The following ATCAY variants were observed in gnomAD, a reference collection of about 807,000 sequenced individuals.
ATCAY encodes the protein ATCAY kinesin light chain interacting caytaxin.
In ATCAY, 22 loss-of-function variants were observed where a neutral mutation model predicts 47.7. That is an observed-to-expected ratio of 0.46 (90% CI 0.33 to 0.66). The LOEUF is 0.66. Ranked by LOEUF, ATCAY falls within the 30% of genes least tolerant of loss-of-function variation. The pLI is 0.02. For synonymous variants in ATCAY, 216 were observed against 207.6 expected, an observed-to-expected ratio of 1.04 and a Z score of -0.35; for missense variants, 452 against 515.0, an observed-to-expected ratio of 0.88 and a Z score of 1.18.
At chr19:3,914,225 G>A (rs2145257230) in intron 9 of ATCAY, among the ~76,000 whole-genome samples, 1 of 61,750 alleles carries the variant, frequency 1.6e-5, no homozygotes, top group African/African-American at 1.3e-4. Context: ...CACAGAGCGA[G>A]ACTCCATCGC....
chr19:3,899,553 G>A (rs1465947760), intron 2 of ATCAY, among the ~76,000 whole-genome samples: 1 of 151,956 alleles, frequency 6.6e-6, no homozygotes, highest in Non-Finnish European at 1.5e-5. Context: ...GACCTCAGGT[G>A]ATCCGCCCGC....
At chr19:3,904,537 T>C (rs1169630323) in intron 3 of ATCAY, among the ~76,000 whole-genome samples, 1 of 152,176 alleles carries the variant, frequency 6.6e-6, no homozygotes, top group Non-Finnish European at 1.5e-5. Context: ...GCCCTGCCGA[T>C]TGAGGACTTG....
chr19:3,891,325 T>C (rs1192568988), intron 2 of ATCAY, among the ~76,000 whole-genome samples: 3 of 152,062 alleles, frequency 2.0e-5, no homozygotes, highest in Admixed American at 6.6e-5. Flanking sequence ...GTGCTGGGAT[T>C]ACAGGTGTGA....
intron 6 of ATCAY, 54 bp downstream of exon 6, chr19:3,908,424 C>A (rs1228713123): frequency 2.1e-6 from 3 of 1,426,906 alleles, no homozygotes; most frequent in East Asian, 2.5e-5. Flanking sequence ...GCCTCCCTGG[C>A]CACAGGGGCA....
At chr19:3,887,976 A>G (rs1460674564) in intron 2 of ATCAY, among the ~76,000 whole-genome samples, 2 of 151,800 alleles carry the variant, frequency 1.3e-5, no homozygotes, top group Non-Finnish European at 2.9e-5. Context: ...TTAGCTGGGC[A>G]TGGTGGTGCA....
chr19:3,913,748 C>A lies in ATCAY; in HGVS notation c.867-10C>A, dbSNP rs1346373232. 1.2e-6 allele frequency: 2 copies of A among 1,612,688 alleles called. No individual in the cohort carries two copies. The highest frequency in any genetic ancestry group is 1.7e-6 in the Non-Finnish European group (2 of 1,179,108). On this transcript the variant is annotated splice_polypyrimidine_tract_variant and intron_variant, in intron 8 of 12. Transcript: ENST00000450849. ...CATTTCAGACCTCTCCCTCCTTCTC[C>A]CCCCGCCAGCGTCAAGTTCATCAAC...
At position 3,902,508 on chromosome 19, in the gene ATCAY, G is replaced by A. The variant is rs207476986; in HGVS notation, c.99G>A (p.Gly33=). The A allele has an allele frequency of 2.5e-6, 4 of 1,580,600 alleles. No homozygotes were observed. Among genetic ancestry groups the A allele is most frequent in the South Asian group, 1.2e-5 (1 of 86,102 alleles). ...DLPRPLPEET[G]VELLGSPVED... ...GCAGGCCACTCCCAGAAGAGACGGG[G>A]GTGGAACTGCTTGGCAGCCCGGTGG... The change falls in exon 3 of 13, where the codon GGG becomes GGA. Residue 33 remains glycine (G), a synonymous_variant. Coordinates refer to ENST00000450849, the MANE Select transcript of ATCAY (RefSeq NM_033064.5).
At chr19:3,919,183 C>T (rs554196116) in intron 11 of ATCAY, among the ~76,000 whole-genome samples, 1 of 151,888 alleles carries the variant, frequency 6.6e-6, no homozygotes. Context: ...GAGGCCGAGG[C>T]AGGAGATTCG....
Position 3,885,109 on chromosome 19 carries a change from T to TTAA in ATCAY, c.-41-618_-41-617insTAA, listed in dbSNP as rs1555765610. 8.1e-4 allele frequency among the ~76,000 whole-genome samples: 57 copies of TTAA among 70,320 alleles called. 1 individual carries two copies. The highest frequency in any genetic ancestry group is 3.2e-3 in the East Asian group (7 of 2,156). 46.1% of individuals were successfully genotyped at this position (70,320 alleles called of 152,430 possible). A position where few individuals can be genotyped will look rare whatever the true frequency, so the allele number is the denominator to read the frequency against. On this transcript the variant is annotated intron_variant, in intron 1 of 12. Coordinates refer to ENST00000450849, the MANE Select transcript of ATCAY (RefSeq NM_033064.5). ...CAGAGCAAGATCATGTTTTTTTTTTTAAAAAAAAAAAAAAAAAAAAAAAAA... is the reference window on the plus strand; with the variant it reads ...CAGAGCAAGATCATGTTTTTTTTTTTTAAAAAAAAAAAAAAAAAAAAAAAAAAA...
chr19:3,882,111 T>G (rs1375602363), intron 1 of ATCAY, among the ~76,000 whole-genome samples: 1 of 151,952 alleles, frequency 6.6e-6, no homozygotes, highest in Non-Finnish European at 1.5e-5. Context: ...AAACCCGATA[T>G]CTATGCTGGG....
Position 3,917,724 on chromosome 19 carries a change from T to C in ATCAY, c.966-18T>C, listed in dbSNP as rs971763258. On this transcript the variant is annotated intron_variant, in intron 9 of 12. Coordinates refer to ENST00000450849, the MANE Select transcript of ATCAY (RefSeq NM_033064.5). ...GGGGAAAGGAAGGTTGTGTCTGACA[T>C]CTTTTTCTTTCTTTCAGATACGAAG... The C allele has an allele frequency of 6.2e-7, 1 of 1,612,298 alleles. No individual in the cohort carries two copies. The highest frequency in any genetic ancestry group is 8.5e-7 in the Non-Finnish European group (1 of 1,179,134).
intron 6 of ATCAY, 100 bp downstream of exon 6, chr19:3,908,470 C>A: frequency 8.8e-7 from 1 of 1,129,976 alleles, no homozygotes; most frequent in Non-Finnish European, 1.3e-6. Flanking sequence ...CCCTAGGAAG[C>A]CTGCCTGGCA....
At chr19:3,913,094 C>T (rs1180925484) in intron 8 of ATCAY, among the ~76,000 whole-genome samples, 1 of 152,062 alleles carries the variant, frequency 6.6e-6, no homozygotes, top group Non-Finnish European at 1.5e-5. Context: ...TGGAGACTAG[C>T]CTGGCCAACA....
At chr19:3,908,001 A>T (rs910264622) in intron 5 of ATCAY, 82 bp downstream of exon 5, 1 of 1,483,878 alleles carries the variant, frequency 6.7e-7, no homozygotes. Context: ...CCCCTCTCTG[A>T]TGCACGGGGA....
chr19:3,893,932 G>A lies in ATCAY; in HGVS notation c.77+8088G>A, dbSNP rs151108379. On this transcript the variant is annotated intron_variant, in intron 2 of 12. Coordinates refer to ENST00000450849, the MANE Select transcript of ATCAY (RefSeq NM_033064.5). The stretch of plus-strand genomic sequence containing the variant: ...GCCAGGCACCCTGAGTCTGCTTTCT[G>A]ATCTGCCCTTGAACTTGGCAAGCTT... Among the ~76,000 whole-genome samples, 197 of 151,296 alleles carry A rather than the reference G, an allele frequency of 1.3e-3. No homozygotes were observed. In the Middle Eastern group the frequency reaches 0.014, roughly 10 times the overall value.
intron 12 of ATCAY, among the ~76,000 whole-genome samples, chr19:3,922,438 G>A (rs1015733483): frequency 5.5e-4 from 83 of 152,172 alleles, no homozygotes; most frequent in African/African-American, 1.7e-3. Context: ...ATCAGATCTC[G>A]TGAGAACTCA....
rs751476598 is a variant in ATCAY, at chr19:3,908,224, C to G, written c.545-44C>G. ...GTGGTGCGCGGGAGGCAGCTCAGGG[C>G]TGGGAGAGGACTCTGACGTTGCCGA... On this transcript the variant is annotated intron_variant, in intron 5 of 12. Coordinates refer to ENST00000450849, the MANE Select transcript of ATCAY (RefSeq NM_033064.5). 5.3e-6 allele frequency: 8 copies of G among 1,503,620 alleles called. No individual in the cohort carries two copies. In the African/African-American group the frequency reaches 6.9e-5, roughly 13 times the overall value. The allele number at this position is 1,503,620 out of a possible 1,614,324, so 93.1% of individuals were successfully genotyped here. A position where few individuals can be genotyped will look rare whatever the true frequency, so the allele number is the denominator to read the frequency against.
At chr19:3,919,443 T>C (rs978352700) in intron 11 of ATCAY, among the ~76,000 whole-genome samples, 1 of 151,448 alleles carries the variant, frequency 6.6e-6, no homozygotes, top group African/African-American at 2.4e-5. Context: ...AATACAAAAA[T>C]TAGCTGGGCA....
chr19:3,906,308 T>G (rs1236757909), intron 4 of ATCAY, among the ~76,000 whole-genome samples: 1 of 150,840 alleles, frequency 6.6e-6, no homozygotes, highest in Non-Finnish European at 1.5e-5. Context: ...GCGACTGTTT[T>G]TTTTTTTTTT....
Sources: allele counts gnomAD v4.1 joint callset (sites outside exome capture counted in the v4.1 genomes callset), GRCh38; gene constraint gnomAD v4.1.1; transcripts MANE v1.5; gene names NCBI Gene and HGNC (gene_info 2026-07-23, HGNC 2026-07-21).